The following BMP5 variants were observed in gnomAD, a reference collection of about 807,000 sequenced individuals.
BMP5 encodes the protein bone morphogenetic protein 5.
A neutral mutation model predicts 46.6 loss-of-function variants in BMP5; 23 were observed. The observed-to-expected ratio is 0.49, with a 90% CI of 0.35 to 0.70. The LOEUF (loss-of-function observed/expected upper bound fraction) is 0.70, where lower values mean the gene tolerates loss of function less well. Among genes scored for constraint, BMP5 ranks in the 30% least tolerant of loss-of-function variants. The pLI is 0.00. For synonymous variants in BMP5, 204 were observed against 191.9 expected (o/e 1.06, Z -0.52); for missense variants, 545 against 565.6 (o/e 0.96, Z 0.37).
chr6:55,840,801 T>C (rs1196455982), intron 1 of BMP5, among the ~76,000 whole-genome samples: 1 of 152,212 alleles, frequency 6.6e-6, no homozygotes, highest in African/African-American at 2.4e-5. Context: ...AAGATTTTTC[T>C]TTGTGATTTT....
chr6:55,775,984 T>A (rs1369417042), intron 3 of BMP5, among the ~76,000 whole-genome samples: 14 of 151,254 alleles, frequency 9.3e-5, no homozygotes, highest in African/African-American at 3.4e-4. Context: ...TCTTACAACC[T>A]ACTGGGAAAA....
At chr6:55,793,932 C>A (rs7740815) in intron 3 of BMP5, among the ~76,000 whole-genome samples, 1,713 of 152,096 alleles carry the variant, frequency 0.011, 33 homozygotes, top group African/African-American at 0.039. Context: ...TTTTACAAAT[C>A]GTATAGTTGT....
intron 4 of BMP5, among the ~76,000 whole-genome samples, chr6:55,763,775 C>CTT (rs1198696543): frequency 6.6e-6 from 1 of 152,092 alleles, no homozygotes; most frequent in African/African-American, 2.4e-5. Flanking sequence ...TGTTTTGTCT[C>CTT]TTAATAGTAA....
At chr6:55,764,965 C>T (rs927448192) in intron 4 of BMP5, among the ~76,000 whole-genome samples, 6 of 151,820 alleles carry the variant, frequency 4.0e-5, no homozygotes, top group African/African-American at 1.5e-4. Flanking sequence ...AGGAATGTTC[C>T]CAATGTAAAG....
chr6:55,771,108 G>A (rs1277375479), intron 4 of BMP5, among the ~76,000 whole-genome samples: 1 of 151,742 alleles, frequency 6.6e-6, no homozygotes, highest in Non-Finnish European at 1.5e-5. Context: ...CAAAACTTCA[G>A]TTTGTAAAAA....
chr6:55,873,649 T>A (rs919252509), intron 1 of BMP5, among the ~76,000 whole-genome samples: 4 of 151,962 alleles, frequency 2.6e-5, no homozygotes, highest in African/African-American at 9.7e-5. Flanking sequence ...TGTTGTGGTT[T>A]ACAGAAAATT....
chr6:55,782,729 T>A (rs1410595986), intron 3 of BMP5, among the ~76,000 whole-genome samples: 1 of 152,124 alleles, frequency 6.6e-6, no homozygotes, highest in Non-Finnish European at 1.5e-5. Flanking sequence ...TCAGGGACAT[T>A]GGGAATTGAA....
rs56047946 is a variant in BMP5, at chr6:55,875,420, G to A, written c.-555C>T. ...TGATAACTTTAACATCTTTTGTGTC[G>A]TCTTAGTGTAAAATAATACTCTAGG... On this transcript the variant is annotated 5_prime_UTR_variant, in exon 1 of 7. The change creates a new upstream start codon in the 5' untranslated region. Transcript: ENST00000370830. The A allele has an allele frequency of 1.2e-3, 193 of 159,680 alleles. No individual in the cohort carries two copies. The highest frequency in any genetic ancestry group is 5.7e-3 in the Admixed American group (96 of 16,790). 9.9% of individuals were successfully genotyped at this position (159,680 alleles called of 1,614,324 possible). A position where few individuals can be genotyped will look rare whatever the true frequency, so the allele number is the denominator to read the frequency against.
At chr6:55,808,325 C>A (rs1346312099) in intron 2 of BMP5, among the ~76,000 whole-genome samples, 2 of 152,282 alleles carry the variant, frequency 1.3e-5, no homozygotes, top group Admixed American at 6.5e-5. Context: ...CATCCAGTCT[C>A]CCTGGGTCCA....
At chr6:55,789,194 T>G (rs993347868) in intron 3 of BMP5, among the ~76,000 whole-genome samples, 2 of 151,994 alleles carry the variant, frequency 1.3e-5, no homozygotes, top group African/African-American at 4.8e-5. Context: ...TGAATTTTTC[T>G]TGATGTATAA....
intron 2 of BMP5, among the ~76,000 whole-genome samples, chr6:55,799,012 A>G (rs749115826): frequency 8.5e-5 from 13 of 152,206 alleles, no homozygotes; most frequent in Non-Finnish European, 1.5e-4. Context: ...AGAATATAGA[A>G]GCTATATAGC....
At chr6:55,838,600 T>A (rs1776880038) in intron 1 of BMP5, among the ~76,000 whole-genome samples, 1 of 152,192 alleles carries the variant, frequency 6.6e-6, no homozygotes, top group African/African-American at 2.4e-5. Context: ...TGATGTCTCT[T>A]CACTTTGTCG....
intron 1 of BMP5, among the ~76,000 whole-genome samples, chr6:55,858,175 T>C (rs1281979567): frequency 6.6e-6 from 1 of 152,250 alleles, no homozygotes; most frequent in African/African-American, 2.4e-5. Context: ...ACCAAATCTA[T>C]TTGCTCACCT....
At chr6:55,792,535 CAAA>C (rs78969394) in intron 3 of BMP5, among the ~76,000 whole-genome samples, 10 of 74,650 alleles carry the variant, frequency 1.3e-4, no homozygotes, top group Non-Finnish European at 1.4e-4. Flanking sequence ...GACTCCGTCT[CAAA>C]AAAAAAAAAA....
At chr6:55,780,161 G>A (rs1302515230) in intron 3 of BMP5, among the ~76,000 whole-genome samples, 1 of 151,524 alleles carries the variant, frequency 6.6e-6, no homozygotes, top group Non-Finnish European at 1.5e-5. Flanking sequence ...TCAAAGGAAG[G>A]GACAAATGTA....
At chr6:55,864,062 GATAA>G (rs1302569007) in intron 1 of BMP5, among the ~76,000 whole-genome samples, 3 of 152,156 alleles carry the variant, frequency 2.0e-5, no homozygotes, top group East Asian at 1.9e-4. Flanking sequence ...ACTTAATTCT[GATAA>G]ATAAAATTAT....
intron 4 of BMP5, among the ~76,000 whole-genome samples, chr6:55,770,091 G>A (rs1160043060): frequency 1.3e-5 from 2 of 151,806 alleles, no homozygotes; most frequent in Non-Finnish European, 2.9e-5. Flanking sequence ...ATCTCACCAG[G>A]TATATTAGCC....
At chr6:55,871,212 T>A (rs1420840233) in intron 1 of BMP5, among the ~76,000 whole-genome samples, 2 of 151,840 alleles carry the variant, frequency 1.3e-5, no homozygotes, top group African/African-American at 4.8e-5. Flanking sequence ...GACAAAGAGA[T>A]GGTTAAAAAA....
At chr6:55,787,253 T>C (rs1171335684) in intron 3 of BMP5, among the ~76,000 whole-genome samples, 1 of 151,670 alleles carries the variant, frequency 6.6e-6, no homozygotes, top group Non-Finnish European at 1.5e-5. Context: ...CTTAGGCAGA[T>C]ACTTCCATTT....
Sources: allele counts gnomAD v4.1 joint callset (sites outside exome capture counted in the v4.1 genomes callset), GRCh38; gene constraint gnomAD v4.1.1; transcripts MANE v1.5; gene names NCBI Gene and HGNC (gene_info 2026-07-23, HGNC 2026-07-21).